FBXO42: variants seen among roughly 807,000 people sequenced by gnomAD.
FBXO42 encodes F-box only protein 42.
In FBXO42, 12 loss-of-function variants were observed where a neutral mutation model predicts 71.7. The observed-to-expected ratio is 0.17, with a 90% CI of 0.11 to 0.27. The LOEUF is 0.27. FBXO42 is among the 10% of genes least tolerant of loss of function. The pLI, the probability that FBXO42 is intolerant of heterozygous loss-of-function variation, is 1.00. For synonymous variants in FBXO42, 325 were observed against 327.5 expected (o/e 0.99, Z 0.08); for missense variants, 707 against 911.9 (o/e 0.78, Z 2.89).
intron 1 of FBXO42, among the ~76,000 whole-genome samples, chr1:16,340,624 T>A (rs1267708127): frequency 1.3e-5 from 2 of 152,014 alleles, no homozygotes; most frequent in Admixed American, 1.3e-4. Flanking sequence ...CGGCCAACCC[T>A]CTACTGAGGG....
At chr1:16,279,854 C>CTTTTCTTTTTTTTT (rs144698838) in intron 4 of FBXO42, among the ~76,000 whole-genome samples, 1 of 138,168 alleles carries the variant, frequency 7.2e-6, no homozygotes, top group African/African-American at 2.7e-5. Context: ...TTTTTTTTTT[C>CTTTTCTTTTTTTTT]TTTTTTTTTT....
chr1:16,299,300 C>T (rs1173516987), intron 3 of FBXO42, among the ~76,000 whole-genome samples: 2 of 152,084 alleles, frequency 1.3e-5, no homozygotes, highest in South Asian at 2.1e-4. Flanking sequence ...CACGAGCCAC[C>T]GCACCCAGCC....
intron 1 of FBXO42, among the ~76,000 whole-genome samples, chr1:16,325,406 A>G (rs559656182): frequency 1.4e-5 from 2 of 145,862 alleles, no homozygotes; most frequent in South Asian, 2.1e-4. Flanking sequence ...TGTTTTGACC[A>G]AAAAAAAAGC....
chr1:16,275,899 G>A (rs997477868), intron 4 of FBXO42, among the ~76,000 whole-genome samples: 13 of 152,052 alleles, frequency 8.5e-5, no homozygotes, highest in African/African-American at 9.7e-5. Context: ...CCAGCTACTC[G>A]GGAGGCTGAG....
intron 4 of FBXO42, among the ~76,000 whole-genome samples, chr1:16,282,220 C>CTTTTTTTTTTTT (rs58853820): frequency 7.3e-6 from 1 of 136,250 alleles, no homozygotes; most frequent in Non-Finnish European, 1.6e-5. Flanking sequence ...GAGACATTTT[C>CTTTTTTTTTTTT]TTTTTTTTTT....
intron 4 of FBXO42, among the ~76,000 whole-genome samples, chr1:16,263,187 G>T (rs1372794425): frequency 6.6e-6 from 1 of 152,000 alleles, no homozygotes; most frequent in African/African-American, 2.4e-5. Flanking sequence ...CCTAAGCCAG[G>T]CGCGGTGGCT....
At chr1:16,299,280 G>C (rs2082164122) in intron 3 of FBXO42, among the ~76,000 whole-genome samples, 1 of 151,680 alleles carries the variant, frequency 6.6e-6, no homozygotes, top group African/African-American at 2.4e-5. Context: ...CAAAGTGCTG[G>C]GATTACAGGC....
intron 1 of FBXO42, among the ~76,000 whole-genome samples, chr1:16,321,654 C>T (rs1233686999): frequency 6.6e-6 from 1 of 151,072 alleles, no homozygotes; most frequent in African/African-American, 2.4e-5. Flanking sequence ...GGTTTATTGA[C>T]ATGTCTACTC....
chr1:16,255,768 G>A lies in FBXO42; in HGVS notation c.710C>T (p.Ser237Phe). Reference protein sequence around the residue: ...HGPPPMAGHSSCVIDDKMIVF... With the variant: ...HGPPPMAGHSFCVIDDKMIVF... ...AATCATTTTATCATCTATCACACAGGAGGAGTGGCCAGCCATGGGAGGTGG... is the reference window on the plus strand; with the variant it reads ...AATCATTTTATCATCTATCACACAGAAGGAGTGGCCAGCCATGGGAGGTGG... Residue 237 changes from serine (S) to phenylalanine (F), a missense_variant, in exon 6 of 10, where the codon TCC (serine) becomes TTC (phenylalanine). This residue lies in a region of FBXO42 where 482 missense variants were observed against 587.1 expected (regional missense o/e 0.82). Transcript: ENST00000375592. The A allele has an allele frequency of 6.2e-7, 1 of 1,614,108 alleles. No homozygotes were observed. Among genetic ancestry groups the A allele is most frequent in the Non-Finnish European group, 8.5e-7 (1 of 1,180,014 alleles).
chr1:16,300,724 T>G (rs776335270), intron 3 of FBXO42, among the ~76,000 whole-genome samples: 6 of 152,110 alleles, frequency 3.9e-5, no homozygotes, highest in Non-Finnish European at 8.8e-5. Flanking sequence ...ATGAGCATTG[T>G]GTATGAAACT....
chr1:16,305,768 G>A, intron 3 of FBXO42, 35 bp downstream of exon 3: 1 of 1,538,342 alleles, frequency 6.5e-7, no homozygotes. Flanking sequence ...ATGACCACAG[G>A]CAGGGTGGAA....
chr1:16,335,869 C>CAAAA (rs59693692), intron 1 of FBXO42, among the ~76,000 whole-genome samples: 1 of 84,426 alleles, frequency 1.2e-5, no homozygotes, highest in Non-Finnish European at 2.6e-5. Flanking sequence ...TCCATCGCGC[C>CAAAA]AAAAAAAAAA....
chr1:16,296,385 C>T (rs1179308437), intron 3 of FBXO42, among the ~76,000 whole-genome samples: 2 of 149,834 alleles, frequency 1.3e-5, no homozygotes, highest in Non-Finnish European at 2.9e-5. Flanking sequence ...GGTGCAGTGG[C>T]TCATGCCTGT....
chr1:16,256,719 C>T lies in FBXO42; in HGVS notation c.543G>A (p.Val181=). The T allele has an allele frequency of 6.2e-7, 1 of 1,614,174 alleles. No individual in the cohort carries two copies. Among genetic ancestry groups the T allele is most frequent in the Non-Finnish European group, 8.5e-7 (1 of 1,180,018 alleles). The change falls in exon 5 of 10, where the codon GTG becomes GTA. Residue 181 remains valine, a synonymous_variant. Coordinates refer to ENST00000375592, the MANE Select transcript of FBXO42 (RefSeq NM_018994.3). ...CAAACAGCACTAGCAAGTCCTTGTA[C>T]ACGACCAGAGTTGCTCCAGCTTTGG... ...PSPKAGATLV[V]YKDLLVLFGG... is the part of the protein sequence containing the mutation.
At chr1:16,336,656 T>C (rs1260520280) in intron 1 of FBXO42, among the ~76,000 whole-genome samples, 2 of 151,518 alleles carry the variant, frequency 1.3e-5, no homozygotes, top group Non-Finnish European at 2.9e-5. Context: ...TGTCCCTAGC[T>C]GGGCCAAGGT....
At chr1:16,294,016 C>T (rs2082105381) in intron 4 of FBXO42, 1 of 152,098 alleles carries the variant, frequency 6.6e-6, no homozygotes, top group African/African-American at 2.4e-5. Context: ...CAATGGAAAC[C>T]CAAATGTCCT....
chr1:16,349,080 T>C (rs1320912352), intron 1 of FBXO42, among the ~76,000 whole-genome samples: 2 of 152,142 alleles, frequency 1.3e-5, no homozygotes, highest in Non-Finnish European at 2.9e-5. Context: ...GCAGAAGCCA[T>C]AACTGGGGCA....
intron 1 of FBXO42, among the ~76,000 whole-genome samples, chr1:16,330,035 G>C (rs2082484725): frequency 6.6e-6 from 1 of 152,208 alleles, no homozygotes; most frequent in Non-Finnish European, 1.5e-5. Flanking sequence ...CAGTAGTAGA[G>C]CATAATTTCC....
Position 16,315,349 on chromosome 1 carries a change from C to G in FBXO42, c.70G>C (p.Gly24Arg). Residue 24 changes from glycine to arginine, a missense_variant, in exon 2 of 10, where the codon GGG (glycine) becomes CGG (arginine). By Grantham distance (125) the Gly-to-Arg change is moderately radical (BLOSUM62 -2). This residue lies in a region of FBXO42 where 188 missense variants were observed against 230.5 expected (regional missense o/e 0.82). Coordinates refer to ENST00000375592, the MANE Select transcript of FBXO42 (RefSeq NM_018994.3). ...AVDQEETVLE[G>R]TMDQDEEPHP... ...GGCTCCTCATCTTGATCCATTGTCC[C>G]TTCCAGCACAGTTTCTTCCTGGTCC... 2 of 1,614,178 alleles carry G rather than the reference C, an allele frequency of 1.2e-6. No homozygotes were observed. The highest frequency in any genetic ancestry group is 3.3e-5 in the Admixed American group (2 of 60,008).
Sources: gnomAD v4.1 joint callset for allele counts (sites outside exome capture counted in the v4.1 genomes callset) on GRCh38, gnomAD v4.1.1 for gene constraint, gnomAD v4.1.1 regional missense constraint, MANE v1.5 for transcripts, NCBI Gene and HGNC (gene_info 2026-07-23, HGNC 2026-07-21) for gene names.